CDH7: variants seen among roughly 807,000 people sequenced by gnomAD.
CDH7 encodes the protein cadherin 7, also known as cadherin-7.
A neutral mutation model predicts 71.8 loss-of-function variants in CDH7; 25 were observed. That is an observed-to-expected ratio of 0.35 (90% CI 0.25 to 0.49). The LOEUF is 0.49. CDH7 is among the 20% of genes least tolerant of loss of function. The pLI is 0.99. For missense variants in CDH7, 862 were observed against 974.6 expected, an observed-to-expected ratio of 0.88 and a Z score of 1.54; for synonymous variants, 381 against 363.8, an observed-to-expected ratio of 1.05 and a Z score of -0.54.
chr18:65,864,844 TC>T (rs1281867394), intron 11 of CDH7, among the ~76,000 whole-genome samples: 1 of 132,784 alleles, frequency 7.5e-6, no homozygotes, highest in Admixed American at 8.8e-5. Context: ...TGAGCCGAGA[TC>T]ATGCCACTGC....
chr18:65,865,620 C>T (rs1913729761), intron 11 of CDH7: 1 of 152,102 alleles, frequency 6.6e-6, no homozygotes, highest in Admixed American at 6.6e-5. Context: ...CAAATGCTAC[C>T]ATTTTAGCTC....
chr18:65,823,902 G>T (rs767291930), intron 5 of CDH7, among the ~76,000 whole-genome samples: 1 of 151,816 alleles, frequency 6.6e-6, no homozygotes, highest in African/African-American at 2.4e-5. Flanking sequence ...GCGGTGTTTC[G>T]TCATTTCTGA....
At chr18:65,775,084 T>G (rs941842814) in intron 2 of CDH7, among the ~76,000 whole-genome samples, 1 of 152,074 alleles carries the variant, frequency 6.6e-6, no homozygotes, top group African/African-American at 2.4e-5. Context: ...GATGGAAGCT[T>G]TTTGTTTTGT....
chr18:65,852,145 A>G (rs1252206390), intron 7 of CDH7, among the ~76,000 whole-genome samples: 2 of 147,726 alleles, frequency 1.4e-5, no homozygotes, highest in Non-Finnish European at 2.9e-5. Context: ...TTAGATAGGA[A>G]AGCAGAGGGG....
intron 2 of CDH7, among the ~76,000 whole-genome samples, chr18:65,775,317 G>A (rs910626554): frequency 3.3e-5 from 5 of 152,072 alleles, no homozygotes; most frequent in African/African-American, 9.7e-5. Context: ...GCTTTTCTCC[G>A]CTTAATTTCT....
intron 6 of CDH7, among the ~76,000 whole-genome samples, chr18:65,830,276 T>C (rs1332240562): frequency 6.6e-6 from 1 of 152,152 alleles, no homozygotes; most frequent in African/African-American, 2.4e-5. Context: ...TGTACAGTGC[T>C]TTGCAAATAG....
intron 2 of CDH7, among the ~76,000 whole-genome samples, chr18:65,796,576 G>A (rs866765694): frequency 2.6e-5 from 4 of 152,042 alleles, no homozygotes; most frequent in Admixed American, 6.5e-5. Context: ...ACAGAGTTTC[G>A]GGAATAGAAG....
rs537307866 is a variant in CDH7 at position 65,851,035 on chromosome 18, C to T, written c.1236-6781C>T. 3.3e-5 allele frequency among the ~76,000 whole-genome samples: 5 copies of T among 152,178 alleles called. No homozygotes were observed. In the South Asian group the frequency reaches 1.0e-3, roughly 32 times the overall value. ...CCTAGGCTGGTCTCTAAGTCCTGAA[C>T]TCAAGCAATCCACCCACCTTGGCCT... is the stretch of plus-strand genomic sequence containing the variant. On this transcript the variant is annotated intron_variant, in intron 7 of 11. Transcript: ENST00000397968.
At chr18:65,866,319 A>AAAAAC (rs1913755121) in intron 11 of CDH7, 1 of 131,150 alleles carries the variant, frequency 7.6e-6, no homozygotes, top group Non-Finnish European at 1.6e-5. Flanking sequence ...AAAAAACAAA[A>AAAAAC]AAAAAAAAAA....
chr18:65,814,263 A>G (rs1031932168), intron 3 of CDH7, among the ~76,000 whole-genome samples: 3 of 151,218 alleles, frequency 2.0e-5, no homozygotes, highest in Non-Finnish European at 2.9e-5. Flanking sequence ...TTGCCAGAAT[A>G]TTTTCTTATC....
intron 11 of CDH7, among the ~76,000 whole-genome samples, chr18:65,867,882 G>A (rs1270706789): frequency 6.6e-6 from 1 of 152,196 alleles, no homozygotes; most frequent in Non-Finnish European, 1.5e-5. Context: ...GTCTCCTCCA[G>A]TATGTCTATG....
chr18:65,870,826 C>G (rs1012797606), intron 11 of CDH7, among the ~76,000 whole-genome samples: 1 of 152,080 alleles, frequency 6.6e-6, no homozygotes, highest in South Asian at 2.1e-4. Context: ...TTTCTTTGCT[C>G]AAATATAAAA....
chr18:65,868,080 C>A (rs1325719203), intron 11 of CDH7, among the ~76,000 whole-genome samples: 1 of 133,702 alleles, frequency 7.5e-6, no homozygotes, highest in Non-Finnish European at 1.6e-5. Flanking sequence ...AAAGTGGCAG[C>A]ACTATGTAAA....
intron 2 of CDH7, among the ~76,000 whole-genome samples, chr18:65,796,327 A>G (rs1910914059): frequency 6.6e-6 from 1 of 152,072 alleles, no homozygotes; most frequent in Non-Finnish European, 1.5e-5. Context: ...TTTTTTTTGG[A>G]TACAATAGTC....
At chr18:65,874,716 T>C (rs1179991227) in intron 11 of CDH7, among the ~76,000 whole-genome samples, 4 of 151,666 alleles carry the variant, frequency 2.6e-5, no homozygotes, top group Non-Finnish European at 4.4e-5. Context: ...TATATACTTA[T>C]ATATGCATAT....
chr18:65,753,860 T>C (rs1915953547), intron 1 of CDH7, among the ~76,000 whole-genome samples: 8 of 152,240 alleles, frequency 5.3e-5, no homozygotes, highest in Admixed American at 5.2e-4. Context: ...CAGACATCTG[T>C]CCATATCTTC....
rs779999057 is a variant in CDH7 at position 65,822,262 on chromosome 18, T to A, written c.793+14T>A. 6.3e-7 allele frequency: 1 copy of A among 1,598,178 alleles called. No individual in the cohort carries two copies. Among genetic ancestry groups the A allele is most frequent in the East Asian group, 2.2e-5 (1 of 44,478 alleles). On this transcript the variant is annotated intron_variant, in intron 5 of 11. Transcript: ENST00000397968. ...GCTTTCCTCGAAGTAAGTTGTTTTC[T>A]TAAGTGACACAAGTGCAATAACTTT...
rs1249298187 is a variant in CDH7 at position 65,782,169 on chromosome 18, T to C, written c.210+19117T>C. On this transcript the variant is annotated intron_variant, in intron 2 of 11. Coordinates refer to ENST00000397968, the MANE Select transcript of CDH7 (RefSeq NM_004361.5). ...TTCTTTCTTTCTTTCTTTCTTCCTT[T>C]CTTTCTTTCTTTCTTTCTTGACAGA... Among the ~76,000 whole-genome samples the C allele has an allele frequency of 2.0e-4, 24 of 122,644 alleles. 2 individuals are homozygous for C. The highest frequency in any genetic ancestry group is 3.4e-4 in the Admixed American group (4 of 11,756). 80.5% of individuals were successfully genotyped at this position (122,644 alleles called of 152,430 possible). A position where few individuals can be genotyped will look rare whatever the true frequency, so the allele number is the denominator to read the frequency against.
intron 7 of CDH7, among the ~76,000 whole-genome samples, chr18:65,844,809 A>C (rs1912877871): frequency 6.6e-6 from 1 of 152,102 alleles, no homozygotes. Context: ...ATATACTTGA[A>C]ATAAAATGTC....
Sources: allele counts gnomAD v4.1 joint callset (sites outside exome capture counted in the v4.1 genomes callset), GRCh38; gene constraint gnomAD v4.1.1; transcripts MANE v1.5; gene names NCBI Gene and HGNC (gene_info 2026-07-23, HGNC 2026-07-21).